The following GATB variants were observed in gnomAD, a reference collection of about 807,000 sequenced individuals.
GATB encodes the protein glutamyl-tRNA amidotransferase subunit B, also known as glutamyl-tRNA(Gln) amidotransferase subunit B, mitochondrial.
Under a neutral mutation model 62.3 loss-of-function variants are expected in GATB, and 39 were observed. The observed-to-expected ratio is 0.63, with a 90% CI of 0.48 to 0.82. The LOEUF (loss-of-function observed/expected upper bound fraction) is 0.82. GATB is among the 40% of genes least tolerant of loss of function. GATB has a pLI of 0.00. For synonymous variants in GATB, 276 were observed against 258.9 expected (o/e 1.07, Z -0.63); for missense variants, 670 against 684.0 (o/e 0.98, Z 0.23).
intron 9 of GATB, chr4:151,691,671 C>G (rs1243337720): frequency 6.6e-6 from 1 of 152,266 alleles, no homozygotes; most frequent in Non-Finnish European, 1.5e-5. Context: ...CAGAGATGAT[C>G]AAATGCAAAT....
intron 2 of GATB, among the ~76,000 whole-genome samples, chr4:151,741,700 C>G (rs940355680): frequency 6.6e-6 from 1 of 152,240 alleles, no homozygotes; most frequent in Non-Finnish European, 1.5e-5. Flanking sequence ...TTCGCCAAGG[C>G]TCAGGTGGAG....
At chr4:151,686,920 C>T (rs1295106867) in intron 10 of GATB, 1 of 152,996 alleles carries the variant, frequency 6.5e-6, no homozygotes, top group African/African-American at 2.4e-5. Flanking sequence ...CAGATTTCTC[C>T]ACGTGCTTTT....
intron 2 of GATB, among the ~76,000 whole-genome samples, chr4:151,743,101 C>G (rs1739526046): frequency 6.6e-6 from 1 of 152,136 alleles, no homozygotes; most frequent in Admixed American, 6.5e-5. Flanking sequence ...AATTAGTGAA[C>G]TAGAAGTCAG....
intron 5 of GATB, among the ~76,000 whole-genome samples, chr4:151,708,858 AGCAG>A (rs375746266): frequency 7.9e-5 from 12 of 152,322 alleles, no homozygotes; most frequent in African/African-American, 2.9e-4. Flanking sequence ...GCCCTAAAGA[AGCAG>A]GCAATGTGTG....
chr4:151,712,750 C>T (rs951928425), intron 5 of GATB, among the ~76,000 whole-genome samples: 10 of 152,102 alleles, frequency 6.6e-5, no homozygotes, highest in Non-Finnish European at 1.5e-4. Context: ...ATAAGAGCAC[C>T]GAACATGTAT....
chr4:151,682,556 G>A (rs186735460), intron 10 of GATB, among the ~76,000 whole-genome samples: 8 of 152,144 alleles, frequency 5.3e-5, no homozygotes, highest in East Asian at 3.9e-4. Context: ...CTGAGGCCGC[G>A]GTTCGACAGA....
At chr4:151,710,038 T>C (rs1039215088) in intron 5 of GATB, among the ~76,000 whole-genome samples, 1 of 152,164 alleles carries the variant, frequency 6.6e-6, no homozygotes, top group African/African-American at 2.4e-5. Flanking sequence ...AAGGACTCAC[T>C]TGAGTGTTAC....
chr4:151,729,731 G>T (rs1413866973), intron 2 of GATB, among the ~76,000 whole-genome samples: 1 of 152,168 alleles, frequency 6.6e-6, no homozygotes, highest in African/African-American at 2.4e-5. Context: ...GAGTGGAAGT[G>T]TTGGGTAATT....
intron 10 of GATB, among the ~76,000 whole-genome samples, chr4:151,681,917 C>T (rs991090925): frequency 1.2e-4 from 19 of 152,122 alleles, no homozygotes; most frequent in Non-Finnish European, 1.5e-5. Context: ...TCCCTCATGA[C>T]CTAATCGCCC....
intron 2 of GATB, among the ~76,000 whole-genome samples, chr4:151,726,782 A>T (rs1382657445): frequency 6.6e-6 from 1 of 152,142 alleles, no homozygotes; most frequent in Non-Finnish European, 1.5e-5. Flanking sequence ...CTTGGTCCAG[A>T]GTGTCAAAAG....
At chr4:151,702,355 G>A (rs1358600173) in intron 8 of GATB, among the ~76,000 whole-genome samples, 1 of 152,154 alleles carries the variant, frequency 6.6e-6, no homozygotes, top group South Asian at 2.1e-4. Flanking sequence ...CTGGAGAAGA[G>A]GGAGGGAGGG....
chr4:151,699,351 T>C (rs193187799), intron 9 of GATB, among the ~76,000 whole-genome samples: 3 of 146,930 alleles, frequency 2.0e-5, no homozygotes, highest in Non-Finnish European at 3.0e-5. Context: ...ATCGTGCCAC[T>C]GCACTCCAGC....
At chr4:151,688,786 A>T in intron 9 of GATB, 23 bp from the exon 10 acceptor site, 1 of 1,568,490 alleles carries the variant, frequency 6.4e-7, no homozygotes, top group Non-Finnish European at 8.6e-7. Context: ...AAAAAAGAAA[A>T]TTACATAAAG....
chr4:151,682,083 G>A (rs1488658045), intron 10 of GATB, among the ~76,000 whole-genome samples: 2 of 152,158 alleles, frequency 1.3e-5, no homozygotes, highest in East Asian at 1.9e-4. Flanking sequence ...TAAAAATAAC[G>A]TCGCCTTTGA....
chr4:151,686,303 C>T (rs964780984), intron 10 of GATB, among the ~76,000 whole-genome samples: 8 of 152,224 alleles, frequency 5.3e-5, no homozygotes, highest in Admixed American at 2.6e-4. Context: ...GCAGCCGAGT[C>T]GGGAAGGGAA....
chr4:151,743,011 A>T (rs10049991), intron 2 of GATB, among the ~76,000 whole-genome samples: 86,351 of 152,134 alleles, frequency 0.57, 26,214 homozygotes, highest in African/African-American at 0.8. Flanking sequence ...TTAAAAGAGA[A>T]AAACAGAATT....
At chr4:151,686,827 A>C (rs1334513994) in intron 10 of GATB, 1 of 152,220 alleles carries the variant, frequency 6.6e-6, no homozygotes, top group Non-Finnish European at 1.5e-5. Context: ...AACAGCTTCA[A>C]GTACAGATGC....
intron 6 of GATB, among the ~76,000 whole-genome samples, chr4:151,707,675 C>T (rs1023081944): frequency 9.2e-5 from 14 of 152,264 alleles, no homozygotes; most frequent in Admixed American, 7.8e-4. Flanking sequence ...TTCATCCTCC[C>T]GAAATGCTCC....
intron 3 of GATB, among the ~76,000 whole-genome samples, chr4:151,717,946 C>T (rs1397410330): frequency 6.6e-6 from 1 of 152,190 alleles, no homozygotes; most frequent in Non-Finnish European, 1.5e-5. Flanking sequence ...TTGCCCACAG[C>T]CACATACAGA....
Sources: gnomAD v4.1 joint callset for allele counts (sites outside exome capture counted in the v4.1 genomes callset) on GRCh38, gnomAD v4.1.1 for gene constraint, MANE v1.5 for transcripts, NCBI Gene and HGNC (gene_info 2026-07-23, HGNC 2026-07-21) for gene names.